The following RC3H2 variants were observed in gnomAD, a reference collection of about 807,000 sequenced individuals.
RC3H2 encodes the protein ring finger and CCCH-type domains 2.
RC3H2 carries 31 observed loss-of-function variants against 133.3 expected under a neutral mutation model. That is an observed-to-expected ratio of 0.23 (90% CI 0.17 to 0.31). RC3H2 has a LOEUF of 0.31. Among genes scored for constraint, RC3H2 ranks in the 10% least tolerant of loss-of-function variants. The pLI is 1.00. For synonymous variants in RC3H2, 517 were observed against 502.2 expected (o/e 1.03, Z -0.40); for missense variants, 1,175 against 1,437.2 (o/e 0.82, Z 2.95).
intron 18 of RC3H2, among the ~76,000 whole-genome samples, chr9:122,853,369 A>T (rs1328117722): frequency 7.1e-6 from 1 of 141,510 alleles, no homozygotes; most frequent in Non-Finnish European, 1.5e-5. Flanking sequence ...AACACCCAAG[A>T]ATGATCAATA....
chr9:122,881,781 TC>T (rs1831647086), intron 5 of RC3H2, among the ~76,000 whole-genome samples: 1 of 152,182 alleles, frequency 6.6e-6, no homozygotes, highest in Non-Finnish European at 1.5e-5. Context: ...CGCTTTGGCC[TC>T]CCAAAGTGCT....
At position 122,850,989 on chromosome 9, in the gene RC3H2, C is replaced by T. The variant is rs1725690621; in HGVS notation, c.3380+92G>A. On this transcript the variant is annotated intron_variant, in intron 20 of 20. Transcript: ENST00000357244. Reference sequence around the variant, plus strand: ...ATCATTGCCCATATAAGGTCTTCCCCTCACAGCATAAAGCCAAAAATTAAT... The same window carrying T: ...ATCATTGCCCATATAAGGTCTTCCCTTCACAGCATAAAGCCAAAAATTAAT... 6.4e-6 allele frequency: 9 copies of T among 1,409,050 alleles called. No individual in the cohort carries two copies. The Admixed American group carries it at 1.1e-4, about 18-fold the overall frequency. 87.3% of individuals were successfully genotyped at this position (1,409,050 alleles called of 1,614,324 possible). A position where few individuals can be genotyped will look rare whatever the true frequency, so the allele number is the denominator to read the frequency against.
chr9:122,884,715 T>C (rs1023537581), intron 4 of RC3H2, among the ~76,000 whole-genome samples: 3 of 152,012 alleles, frequency 2.0e-5, no homozygotes, highest in Admixed American at 2.0e-4. Flanking sequence ...TAGCTGGGCA[T>C]GGTGGCGTGC....
At chr9:122,865,132 G>A (rs1830590093) in intron 10 of RC3H2, among the ~76,000 whole-genome samples, 1 of 152,100 alleles carries the variant, frequency 6.6e-6, no homozygotes, top group South Asian at 2.1e-4. Flanking sequence ...AAAACTCAGA[G>A]TTAAAGTCAC....
chr9:122,896,464 A>G (rs775466185), intron 2 of RC3H2, among the ~76,000 whole-genome samples: 7 of 152,380 alleles, frequency 4.6e-5, no homozygotes, highest in Middle Eastern at 3.4e-3. Flanking sequence ...TTATCCACCA[A>G]TATCACTTAT....
chr9:122,880,879 G>A, intron 5 of RC3H2, 85 bp from the exon 6 acceptor site: 1 of 932,922 alleles, frequency 1.1e-6, no homozygotes. Flanking sequence ...CAGGGAGGGT[G>A]GGGGATACTT....
At chr9:122,880,258 G>T (rs1489822416) in intron 6 of RC3H2, 133 bp from the exon 7 acceptor site, 2 of 1,069,878 alleles carry the variant, frequency 1.9e-6, no homozygotes, top group Non-Finnish European at 1.4e-6. Context: ...TATCAGTGAT[G>T]AATTAAATTT....
At chr9:122,866,065 G>C (rs913283688) in intron 9 of RC3H2, among the ~76,000 whole-genome samples, 2 of 152,130 alleles carry the variant, frequency 1.3e-5, no homozygotes, top group Admixed American at 6.6e-5. Flanking sequence ...ACAGAGTAAA[G>C]AGAAAAGGTA....
At chr9:122,883,817 A>C (rs1831763722) in intron 4 of RC3H2, among the ~76,000 whole-genome samples, 1 of 152,058 alleles carries the variant, frequency 6.6e-6, no homozygotes, top group South Asian at 2.1e-4. Flanking sequence ...CCCTGTCTCT[A>C]CAAAAAAAAT....
At chr9:122,891,817 T>C (rs1389363448) in intron 3 of RC3H2, among the ~76,000 whole-genome samples, 2 of 152,244 alleles carry the variant, frequency 1.3e-5, no homozygotes, top group Non-Finnish European at 2.9e-5. Context: ...ATTCAACAAT[T>C]GTTTATTATA....
rs772733364 is a variant in RC3H2, at chr9:122,877,464, C to T, written c.1325+7G>A. 3.1e-6 allele frequency: 5 copies of T among 1,605,522 alleles called. No individual in the cohort carries two copies. In the South Asian group the frequency reaches 4.4e-5, roughly 14 times the overall value. Reference sequence around the variant, plus strand: ...AACCCATATGAAACAGAATTCTCAACACTTACTTTTCAAGCTCTTCCTGAG... The same window carrying T: ...AACCCATATGAAACAGAATTCTCAATACTTACTTTTCAAGCTCTTCCTGAG... On this transcript the variant is annotated splice_region_variant and intron_variant, in intron 9 of 20. Transcript: ENST00000357244.
intron 1 of RC3H2, among the ~76,000 whole-genome samples, chr9:122,898,427 CAGTG>C (rs1832511535): frequency 6.6e-6 from 1 of 151,946 alleles, no homozygotes; most frequent in South Asian, 2.1e-4. Flanking sequence ...TAGAAAAAAA[CAGTG>C]AGAGAATTTT....
intron 2 of RC3H2, 82 bp downstream of exon 2, chr9:122,897,197 G>T: frequency 8.1e-7 from 1 of 1,241,954 alleles, no homozygotes. Context: ...CATGTAGCCT[G>T]CAGGCTGGAC....
chr9:122,896,091 T>C, intron 2 of RC3H2, among the ~76,000 whole-genome samples: 1 of 144,354 alleles, frequency 6.9e-6, no homozygotes, highest in East Asian at 2.0e-4. Flanking sequence ...ACACATAAGA[T>C]ACACTAACAC....
chr9:122,863,516 C>G (rs755256455), intron 10 of RC3H2, among the ~76,000 whole-genome samples: 22 of 152,092 alleles, frequency 1.4e-4, no homozygotes, highest in Non-Finnish European at 2.6e-4. Context: ...CCATATTTCT[C>G]CCAGCAATAT....
chr9:122,852,792 A>C (rs1234930034), intron 18 of RC3H2, among the ~76,000 whole-genome samples: 2 of 129,312 alleles, frequency 1.5e-5, no homozygotes, highest in Admixed American at 7.7e-5. Flanking sequence ...CAGCCGCCCC[A>C]TCCGGGAGGT....
chr9:122,894,452 T>C (rs1832332972), intron 2 of RC3H2, among the ~76,000 whole-genome samples: 1 of 151,854 alleles, frequency 6.6e-6, no homozygotes, highest in African/African-American at 2.4e-5. Flanking sequence ...CATAATAAAT[T>C]TGTAGTGTTC....
chr9:122,868,107 A>T, intron 9 of RC3H2, among the ~76,000 whole-genome samples: 2 of 123,624 alleles, frequency 1.6e-5, no homozygotes, highest in Non-Finnish European at 3.5e-5. Context: ...CACCCCGTCC[A>T]GGAGGGAGGT....
At chr9:122,852,512 C>T (rs1345239669) in intron 18 of RC3H2, among the ~76,000 whole-genome samples, 2 of 145,544 alleles carry the variant, frequency 1.4e-5, no homozygotes, top group East Asian at 2.1e-4. Flanking sequence ...CCTAGCCAGC[C>T]GCCCCGTCCG....
Sources: gnomAD v4.1 joint callset for allele counts (sites outside exome capture counted in the v4.1 genomes callset) on GRCh38, gnomAD v4.1.1 for gene constraint, MANE v1.5 for transcripts, NCBI Gene and HGNC (gene_info 2026-07-23, HGNC 2026-07-21) for gene names.